Variants in BPIFA3 observed in about 807,000 individuals in gnomAD.
BPIFA3 encodes BPI fold-containing family A member 3.
A neutral mutation model predicts 29.7 loss-of-function variants in BPIFA3; 32 were observed. The ratio of observed to expected loss-of-function variants is 1.08; its 90% CI spans 0.81 to 1.45. The LOEUF (loss-of-function observed/expected upper bound fraction) is 1.45, where lower values mean the gene tolerates loss of function less well. Among genes scored for constraint, BPIFA3 ranks in the 40% most tolerant of loss-of-function variants. BPIFA3 has a pLI of 0.00. For synonymous variants in BPIFA3, 112 were observed against 113.7 expected (o/e 0.98, Z 0.10); for missense variants, 323 against 311.3 (o/e 1.04, Z -0.28).
intron 6 of BPIFA3, among the ~76,000 whole-genome samples, chr20:33,227,195 G>A (rs555114886): frequency 2.6e-5 from 4 of 152,272 alleles, no homozygotes; most frequent in Admixed American, 2.0e-4. Flanking sequence ...TACCAAGCAG[G>A]CTGTGCCCTG....
Position 33,217,368 on chromosome 20 carries a change from G to A in BPIFA3, c.-169G>A. 1 of 777,914 alleles carries A rather than the reference G, an allele frequency of 1.3e-6. No individual in the cohort carries two copies. The allele number at this position is 777,914 out of a possible 1,614,324, so 48.2% of individuals were successfully genotyped here. The stretch of plus-strand genomic sequence containing the variant: ...TGCTCTCCCAATGTGAGCAAGCCCT[G>A]GTGGCAGCGCCAGGGTCCAGTGCAG... On this transcript the variant is annotated 5_prime_UTR_variant, in exon 1 of 7. Coordinates refer to ENST00000375454, the MANE Select transcript of BPIFA3 (RefSeq NM_178466.5).
chr20:33,218,993 C>T (rs965508451), intron 1 of BPIFA3, among the ~76,000 whole-genome samples: 2 of 152,140 alleles, frequency 1.3e-5, no homozygotes, highest in Admixed American at 6.5e-5. Context: ...GCAACGTCCA[C>T]CTCCCAGGTT....
At chr20:33,218,044 A>G (rs1985345711) in intron 1 of BPIFA3, among the ~76,000 whole-genome samples, 1 of 152,214 alleles carries the variant, frequency 6.6e-6, no homozygotes, top group Admixed American at 6.5e-5. Flanking sequence ...TTTAATTTAC[A>G]TAAATTGTAT....
At chr20:33,224,526 C>A in intron 3 of BPIFA3, 64 bp downstream of exon 3, 1 of 1,365,948 alleles carries the variant, frequency 7.3e-7, no homozygotes, top group Non-Finnish European at 1.0e-6. Flanking sequence ...CTGGGAAATT[C>A]AGATCTTTCT....
chr20:33,227,701 C>T lies in BPIFA3; in HGVS notation c.*84C>T. The T allele has an allele frequency of 5.0e-6, 6 of 1,193,716 alleles. No individual in the cohort carries two copies. Among genetic ancestry groups the T allele is most frequent in the Non-Finnish European group, 6.2e-6 (5 of 812,550 alleles). 73.9% of individuals were successfully genotyped at this position (1,193,716 alleles called of 1,614,324 possible). A position where few individuals can be genotyped will look rare whatever the true frequency, so the allele number is the denominator to read the frequency against. ...GGCTTCTGCTACCCTAAAAACTTTA[C>T]CCCAGGCTCTGTGGACATACCATCC... On this transcript the variant is annotated 3_prime_UTR_variant, in exon 7 of 7. Transcript: ENST00000375454.
chr20:33,223,159 G>T (rs1056401308), intron 1 of BPIFA3, among the ~76,000 whole-genome samples: 1 of 152,116 alleles, frequency 6.6e-6, no homozygotes, highest in Admixed American at 6.5e-5. Flanking sequence ...GGGGGATGGG[G>T]TATGACAAAG....
intron 2 of BPIFA3, 106 bp from the exon 3 acceptor site, chr20:33,224,249 A>T: frequency 1.5e-5 from 15 of 973,998 alleles, no homozygotes; most frequent in Non-Finnish European, 2.2e-5. Flanking sequence ...TCCAAATCCC[A>T]TTGCCAGGCC....
intron 4 of BPIFA3, chr20:33,225,914 A>C (rs1348399879): frequency 6.1e-6 from 1 of 163,124 alleles, no homozygotes; most frequent in Non-Finnish European, 1.3e-5. Context: ...CCAGCACCAC[A>C]CCTGATGCTA....
intron 1 of BPIFA3, among the ~76,000 whole-genome samples, chr20:33,219,013 C>T (rs559538751): frequency 1.3e-5 from 2 of 152,202 alleles, no homozygotes; most frequent in South Asian, 4.1e-4. Flanking sequence ...TCAAGCAATT[C>T]TCCTGCCTCA....
chr20:33,222,917 C>A (rs937526013), intron 1 of BPIFA3, among the ~76,000 whole-genome samples: 9 of 152,046 alleles, frequency 5.9e-5, no homozygotes, highest in Non-Finnish European at 1.2e-4. Flanking sequence ...GGCCTGACAC[C>A]CAGTAGATGC....
In BPIFA3 at chr20:33,224,403, A is replaced by T. The variant is rs767521252; in HGVS notation, c.327A>T (p.Ser109=). The T allele has an allele frequency of 1.2e-5, 19 of 1,614,086 alleles. No individual in the cohort carries two copies. The Admixed American group carries it at 2.7e-4, about 23-fold the overall frequency. Reference sequence around the variant, plus strand: ...TGGACTGTGGTGGGATCCAGATATCATTCCATAAGGAGTGGTTCTCGGCAA... The same window carrying T: ...TGGACTGTGGTGGGATCCAGATATCTTTCCATAAGGAGTGGTTCTCGGCAA... ...IQLDCGGIQI[S]FHKEWFSANI... Residue 109 remains serine, a synonymous_variant, in exon 3 of 7, where the codon TCA becomes TCT. Transcript: ENST00000375454.
chr20:33,217,750 G>A (rs1985333275), intron 1 of BPIFA3, 87 bp downstream of exon 1: 5 of 1,464,520 alleles, frequency 3.4e-6, no homozygotes, highest in Admixed American at 2.6e-5. Flanking sequence ...AACCCGCTGG[G>A]TGACTTCAGG....
Position 33,225,358 on chromosome 20 carries a change from T to TC in BPIFA3, c.536+116dup, listed in dbSNP as rs1985735930. The TC allele has an allele frequency of 1.4e-5, 21 of 1,450,662 alleles. No homozygotes were observed. In the South Asian group the frequency reaches 2.2e-4, roughly 15 times the overall value. The allele number at this position is 1,450,662 out of a possible 1,614,324, so 89.9% of individuals were successfully genotyped here. On this transcript the variant is annotated intron_variant, in intron 4 of 6. Coordinates refer to ENST00000375454, the MANE Select transcript of BPIFA3 (RefSeq NM_178466.5). The stretch of plus-strand genomic sequence containing the variant: ...ATTAGTCCAAAGCAGATCTCATCCT[T>TC]CCCCCGGGATCTGCTCCTCCTCCCA...
At position 33,225,217 on chromosome 20, in the gene BPIFA3, C is replaced by T; in HGVS notation, c.506C>T (p.Pro169Leu). ...GTGATAGGCAAATGCGATGCAGAGCCCAGCAGTGTCCATGTGGCCATCCTC... is the reference window on the plus strand; with the variant it reads ...GTGATAGGCAAATGCGATGCAGAGCTCAGCAGTGTCCATGTGGCCATCCTC... Reference protein sequence around the residue: ...DLVIGKCDAEPSSVHVAILTE... With the variant: ...DLVIGKCDAELSSVHVAILTE... The change falls in exon 4 of 7, where the codon CCC (proline) becomes CTC (leucine). Residue 169 changes from proline (P) to leucine (L), a missense_variant. Coordinates refer to ENST00000375454, the MANE Select transcript of BPIFA3 (RefSeq NM_178466.5). 1 of 1,614,014 alleles carries T rather than the reference C, an allele frequency of 6.2e-7. No homozygotes were observed. Among genetic ancestry groups the T allele is most frequent in the Non-Finnish European group, 8.5e-7 (1 of 1,180,022 alleles).
intron 1 of BPIFA3, among the ~76,000 whole-genome samples, chr20:33,218,564 C>T (rs1050762398): frequency 6.6e-6 from 1 of 152,176 alleles, no homozygotes; most frequent in Non-Finnish European, 1.5e-5. Context: ...TCTGGTGAGG[C>T]CTGTCTTGCT....
chr20:33,223,521 G>A lies in BPIFA3; in HGVS notation c.128-290G>A, dbSNP rs77579381. ...GATCTACATCCTGTATGTTAGCTCC[G>A]TGCTCCAGACTGAAATACAGTGTTG... On this transcript the variant is annotated intron_variant, in intron 1 of 6. Coordinates refer to ENST00000375454, the MANE Select transcript of BPIFA3 (RefSeq NM_178466.5). 2,618 of 293,326 alleles carry A rather than the reference G, an allele frequency of 8.9e-3. 61 individuals carry two copies. The highest frequency in any genetic ancestry group is 0.045 in the African/African-American group (2,131 of 47,628). The allele number at this position is 293,326 out of a possible 1,614,324, so 18.2% of individuals were successfully genotyped here.
chr20:33,222,608 GTGGA>G (rs1352166667), intron 1 of BPIFA3, among the ~76,000 whole-genome samples: 7 of 114,992 alleles, frequency 6.1e-5, no homozygotes, highest in South Asian at 2.4e-4. Flanking sequence ...GGATGGATGA[GTGGA>G]TGGATGGATG....
At position 33,227,586 on chromosome 20, in the gene BPIFA3, C is replaced by T. The variant is rs755688277; in HGVS notation, c.734C>T (p.Ser245Phe). 5.0e-6 allele frequency: 8 copies of T among 1,614,018 alleles called. No individual in the cohort carries two copies. Among genetic ancestry groups the T allele is most frequent in the Non-Finnish European group, 6.8e-6 (8 of 1,180,018 alleles). ...EPTHHETSQP[S>F]ACQAGESPS ...ACCCACCATGAAACCAGCCAACCCT[C>T]TGCATGCCAGGCTGGAGAGTCCCCC... The change falls in exon 7 of 7, where the codon TCT becomes TTT. Residue 245 changes from serine (S) to phenylalanine (F), a missense_variant. Transcript: ENST00000375454.
At chr20:33,226,892 C>T (rs986027229) in intron 5 of BPIFA3, 38 bp from the exon 6 acceptor site, 41 of 1,613,566 alleles carry the variant, frequency 2.5e-5, no homozygotes, top group Non-Finnish European at 3.3e-5. Flanking sequence ...CCTTTTCCAG[C>T]CCCTGGCCTG....
Sources: allele counts gnomAD v4.1 joint callset (sites outside exome capture counted in the v4.1 genomes callset), GRCh38; gene constraint gnomAD v4.1.1; transcripts MANE v1.5; gene names NCBI Gene and HGNC (gene_info 2026-07-23, HGNC 2026-07-21).